L3HYPDH: variants seen among roughly 807,000 people sequenced by gnomAD.
L3HYPDH encodes the protein trans-L-3-hydroxyproline dehydratase, also known as trans-3-hydroxy-L-proline dehydratase.
L3HYPDH carries 32 observed loss-of-function variants against 26.5 expected under a neutral mutation model. The observed-to-expected ratio is 1.21, with a 90% CI of 0.91 to 1.62. The LOEUF is 1.62. L3HYPDH is among the 40% of genes most tolerant of loss of function. The pLI is 0.00. For missense variants in L3HYPDH, 554 were observed against 476.4 expected, an observed-to-expected ratio of 1.16 and a Z score of -1.52; for synonymous variants, 215 against 196.6, an observed-to-expected ratio of 1.09 and a Z score of -0.78.
Position 59,483,816 on chromosome 14 carries a change from C to T in L3HYPDH, c.501G>A (p.Leu167=). 6.3e-7 allele frequency: 1 copy of T among 1,593,398 alleles called. No individual in the cohort carries two copies. Residue 167 remains leucine (L), a synonymous_variant, in exon 1 of 5, where the codon CTG becomes CTA. Coordinates refer to ENST00000247194, the MANE Select transcript of L3HYPDH (RefSeq NM_144581.2). ...AAAGGTCCCGCCCATTACCTGTGGC[C>T]AGCACGAAGGCCGGGACGCTGTGGA... The part of the protein sequence containing the change: ...VRFHSVPAFV[L]ATDLMVDVPG...
At chr14:59,479,995 G>A (rs756007343) in intron 1 of L3HYPDH, among the ~76,000 whole-genome samples, 9 of 152,168 alleles carry the variant, frequency 5.9e-5, no homozygotes, top group Non-Finnish European at 8.8e-5. Flanking sequence ...CTGAAGGTCA[G>A]TAGTTTGAAA....
At chr14:59,490,667 A>G in the L3HYPDH span, among the ~76,000 whole-genome samples, 1 of 152,226 alleles carries the variant, frequency 6.6e-6, no homozygotes, top group African/African-American at 2.4e-5. Flanking sequence ...ACATTGGGAA[A>G]GCATTTATAA....
chr14:59,473,207 G>A, intron 4 of L3HYPDH, 117 bp from the exon 5 acceptor site: 2 of 881,338 alleles, frequency 2.3e-6, no homozygotes, highest in Non-Finnish European at 3.3e-6. Flanking sequence ...TAATCCTATG[G>A]GCCAGGGAAG....
chr14:59,481,859 G>C (rs1890048225), intron 1 of L3HYPDH, among the ~76,000 whole-genome samples: 1 of 152,222 alleles, frequency 6.6e-6, no homozygotes, highest in Non-Finnish European at 1.5e-5. Context: ...TGTGCAAACT[G>C]TAACTGCTAT....
At chr14:59,502,658 G>A in the L3HYPDH span, among the ~76,000 whole-genome samples, 19 of 151,664 alleles carry the variant, frequency 1.3e-4, no homozygotes, top group African/African-American at 4.4e-4. Flanking sequence ...AATTAAAGAA[G>A]ATAGGAAAAT....
At chr14:59,503,731 T>C in the L3HYPDH span, 9 of 630,482 alleles carry the variant, frequency 1.4e-5, no homozygotes, top group East Asian at 2.1e-4. Context: ...CTTTTTTAGC[T>C]CAAACATTTT....
At chr14:59,499,165 A>T in the L3HYPDH span, among the ~76,000 whole-genome samples, 1 of 151,550 alleles carries the variant, frequency 6.6e-6, no homozygotes, top group African/African-American at 2.4e-5. Context: ...CTGGGACTAC[A>T]GGCATGTGCC....
rs763529998 is a variant in L3HYPDH, at chr14:59,473,038, G to T, written c.992C>A (p.Ala331Asp). Residue 331 changes from alanine to aspartate, a missense_variant, in exon 5 of 5, where the codon GCC becomes GAC. Physicochemically the swap from Ala to Asp is moderately radical, Grantham distance 126. Transcript: ENST00000247194. ...KAVIVEVSGQ[A>D]HYTGTASFII... ...AAAGCTTGCTGTACCCGTGTAATGG[G>T]CTTGTCCTGATACTTCCACTATAAC... 6.2e-6 allele frequency: 10 copies of T among 1,607,972 alleles called. No individual in the cohort carries two copies. Among genetic ancestry groups the T allele is most frequent in the Non-Finnish European group, 8.5e-6 (10 of 1,177,580 alleles).
At chr14:59,480,235 A>G (rs1250945896) in intron 1 of L3HYPDH, among the ~76,000 whole-genome samples, 1 of 152,204 alleles carries the variant, frequency 6.6e-6, no homozygotes, top group Non-Finnish European at 1.5e-5. Context: ...TATTTCTCCT[A>G]GAGATAAATT....
chr14:59,491,359 C>T, the L3HYPDH span, among the ~76,000 whole-genome samples: 1 of 152,086 alleles, frequency 6.6e-6, no homozygotes, highest in Non-Finnish European at 1.5e-5. Context: ...GAGAGGAGTT[C>T]TAAAATTGTA....
At chr14:59,492,085 A>AG in the L3HYPDH span, among the ~76,000 whole-genome samples, 2 of 152,214 alleles carry the variant, frequency 1.3e-5, no homozygotes, top group Non-Finnish European at 1.5e-5. Context: ...TTATGCTCTG[A>AG]GAGGACACAG....
rs1488764077 is a variant in L3HYPDH, at chr14:59,474,649, C to A, written c.939+1220G>T. ...CCTGGATCTGCTACTCACTAACTAA[C>A]CTCTGGTAAATTACCTAACTTCTCC... On this transcript the variant is annotated intron_variant, in intron 4 of 4. Coordinates refer to ENST00000247194, the MANE Select transcript of L3HYPDH (RefSeq NM_144581.2). The A allele has an allele frequency of 1.2e-5, 7 of 583,246 alleles. No homozygotes were observed. In the Middle Eastern group the frequency reaches 7.7e-4, roughly 64 times the overall value. The allele number at this position is 583,246 out of a possible 1,614,324, so 36.1% of individuals were successfully genotyped here. A position where few individuals can be genotyped will look rare whatever the true frequency, so the allele number is the denominator to read the frequency against.
At chr14:59,484,755 G>C (rs1430823675), upstream of L3HYPDH, 3 of 1,000,764 alleles carry the variant, frequency 3.0e-6, no homozygotes, top group African/African-American at 4.9e-5. Flanking sequence ...ACTCCTGCGG[G>C]GTTGGGGTGG....
Position 59,483,918 on chromosome 14 carries a change from G to T in L3HYPDH, c.399C>A (p.Val133=). The stretch of plus-strand genomic sequence containing the variant: ...CCAGCCCGCAGGGGCAGTGGATATT[G>T]ACGCGGGCCTCGCGGGTGCCCGCAG... The part of the protein sequence containing the change: ...APPAGTREAR[V]NIHCPCGLVT... The change falls in exon 1 of 5, where the codon GTC becomes GTA. Residue 133 remains valine, a synonymous_variant. Transcript: ENST00000247194. 1 of 1,557,616 alleles carries T rather than the reference G, an allele frequency of 6.4e-7. No homozygotes were observed.
In L3HYPDH at chr14:59,484,154, G is replaced by T; in HGVS notation, c.163C>A (p.Arg55Ser). 6.2e-7 allele frequency: 1 copy of T among 1,600,780 alleles called. No individual in the cohort carries two copies. The highest frequency in any genetic ancestry group is 8.5e-7 in the Non-Finnish European group (1 of 1,179,306). The change falls in exon 1 of 5, where the codon CGC (arginine) becomes AGC (serine). Residue 55 changes from arginine to serine, a missense_variant. Arg to Ser is a moderately radical substitution (Grantham distance 110, BLOSUM62 -1). Coordinates refer to ENST00000247194, the MANE Select transcript of L3HYPDH (RefSeq NM_144581.2). Reference sequence around the variant, plus strand: ...CGCCGCACGTGGTCAAGGTGCTGGCGCATGTAGCGCCGCTTGGCCAGCAGG... The same window carrying T: ...CGCCGCACGTGGTCAAGGTGCTGGCTCATGTAGCGCCGCTTGGCCAGCAGG... ...PTLLAKRRYMRQHLDHVRRRL... is the reference protein window; with the variant it reads ...PTLLAKRRYMSQHLDHVRRRL...
the L3HYPDH span, among the ~76,000 whole-genome samples, chr14:59,494,660 G>A: frequency 1.3e-5 from 2 of 152,122 alleles, no homozygotes; most frequent in African/African-American, 4.8e-5. Flanking sequence ...CTAGTTATTG[G>A]GTAGGAGATG....
chr14:59,483,821 C>G lies in L3HYPDH; in HGVS notation c.496G>C (p.Val166Leu). ...PVRFHSVPAF[V>L]LATDLMVDVP... The stretch of plus-strand genomic sequence containing the variant: ...TCCCGCCCATTACCTGTGGCCAGCA[C>G]GAAGGCCGGGACGCTGTGGAAGCGC... Residue 166 changes from valine to leucine, a missense_variant, in exon 1 of 5, where the codon GTG (valine) becomes CTG (leucine). Transcript: ENST00000247194. 1 of 1,592,920 alleles carries G rather than the reference C, an allele frequency of 6.3e-7. No homozygotes were observed. The highest frequency in any genetic ancestry group is 8.5e-7 in the Non-Finnish European group (1 of 1,176,918).
downstream of L3HYPDH, among the ~76,000 whole-genome samples, chr14:59,472,368 C>G (rs931453139): frequency 6.6e-6 from 1 of 152,190 alleles, no homozygotes; most frequent in Admixed American, 6.5e-5. Flanking sequence ...ACTAGTTGGT[C>G]TTCTCAGCAT....
intron 1 of L3HYPDH, 52 bp from the exon 2 acceptor site, chr14:59,479,403 A>C: frequency 1.3e-6 from 2 of 1,486,584 alleles, no homozygotes; most frequent in Non-Finnish European, 1.8e-6. Flanking sequence ...TAAGTATTTT[A>C]GCAATAAAAT....
Sources: gnomAD v4.1 joint callset for allele counts (sites outside exome capture counted in the v4.1 genomes callset) on GRCh38, gnomAD v4.1.1 for gene constraint, MANE v1.5 for transcripts, NCBI Gene and HGNC (gene_info 2026-07-23, HGNC 2026-07-21) for gene names.